Variants in EPHA6 observed in about 807,000 individuals in gnomAD.
The protein encoded by EPHA6 is ephrin type-A receptor 6.
In EPHA6, 50 loss-of-function variants were observed where a neutral mutation model predicts 112.0. The observed-to-expected ratio is 0.45, with a 90% CI of 0.36 to 0.56. EPHA6 has a LOEUF of 0.56. Ranked by LOEUF, EPHA6 falls within the 20% of genes least tolerant of loss-of-function variation. The pLI is 0.00. For missense variants in EPHA6, 1,280 were observed against 1,417.4 expected (o/e 0.90, Z 1.56); for synonymous variants, 529 against 490.7 (o/e 1.08, Z -1.03).
At chr3:97,110,520 T>C (rs970288778) in intron 3 of EPHA6, among the ~76,000 whole-genome samples, 2 of 152,002 alleles carry the variant, frequency 1.3e-5, no homozygotes, top group East Asian at 1.9e-4. Context: ...TTCATTTTAT[T>C]ATATTATTTA....
chr3:97,207,449 G>A (rs1175842984), intron 3 of EPHA6, among the ~76,000 whole-genome samples: 1 of 152,144 alleles, frequency 6.6e-6, no homozygotes, highest in Non-Finnish European at 1.5e-5. Context: ...AGCAGCACAT[G>A]TGATATGCAA....
chr3:97,665,829 G>C (rs556858990), intron 14 of EPHA6, among the ~76,000 whole-genome samples: 1 of 152,156 alleles, frequency 6.6e-6, no homozygotes, highest in East Asian at 1.9e-4. Context: ...AGGCCAAGGC[G>C]GGCAGATCAC....
intron 5 of EPHA6, among the ~76,000 whole-genome samples, chr3:97,393,829 G>A (rs1482609430): frequency 6.6e-6 from 1 of 151,658 alleles, no homozygotes; most frequent in Non-Finnish European, 1.5e-5. Context: ...AGATCTTGTG[G>A]CATTTGTCCT....
At chr3:96,917,026 C>T (rs1271460499) in intron 2 of EPHA6, among the ~76,000 whole-genome samples, 2 of 152,102 alleles carry the variant, frequency 1.3e-5, no homozygotes, top group Non-Finnish European at 2.9e-5. Flanking sequence ...AATTTGCTTT[C>T]CTACAGATCT....
chr3:97,107,676 T>C (rs1477465438), intron 3 of EPHA6, among the ~76,000 whole-genome samples: 1 of 152,170 alleles, frequency 6.6e-6, no homozygotes, highest in African/African-American at 2.4e-5. Flanking sequence ...AATGTACATC[T>C]CCAATCTTTT....
At position 97,749,432 on chromosome 3, in the gene EPHA6, TTTTA is replaced by T. The variant is rs747450993; in HGVS notation, c.*751_*754del. Among the ~76,000 whole-genome samples, 2 of 152,222 alleles carry T rather than the reference TTTTA, an allele frequency of 1.3e-5. No individual in the cohort carries two copies. The highest frequency in any genetic ancestry group is 1.9e-4 in the East Asian group (1 of 5,184). ...TAGTTTAAAGGCTTTTCACCTCTAA[TTTTA>T]TTTATTTATTTATTTATTTTTACTA... On this transcript the variant is annotated 3_prime_UTR_variant, in exon 18 of 18. Coordinates refer to ENST00000389672, the MANE Select transcript of EPHA6 (RefSeq NM_001080448.3).
At chr3:97,025,663 A>C (rs991410956) in intron 3 of EPHA6, among the ~76,000 whole-genome samples, 1 of 152,166 alleles carries the variant, frequency 6.6e-6, no homozygotes, top group Admixed American at 6.5e-5. Flanking sequence ...ATCTCCGCTC[A>C]CTGCAACCTC....
chr3:97,597,885 G>A (rs113767285), intron 12 of EPHA6, among the ~76,000 whole-genome samples: 1 of 152,238 alleles, frequency 6.6e-6, no homozygotes, highest in South Asian at 2.1e-4. Flanking sequence ...ATATTATCAA[G>A]TTTTGATGCA....
At chr3:96,898,969 A>G (rs1472728300) in intron 2 of EPHA6, among the ~76,000 whole-genome samples, 12 of 150,600 alleles carry the variant, frequency 8.0e-5, no homozygotes, top group South Asian at 2.1e-4. Flanking sequence ...CGGAGCTTGC[A>G]GTGAGTTGAG....
chr3:97,160,309 C>T (rs2076382849), intron 3 of EPHA6, among the ~76,000 whole-genome samples: 1 of 152,092 alleles, frequency 6.6e-6, no homozygotes, highest in African/African-American at 2.4e-5. Flanking sequence ...GATGGAATCT[C>T]GCTCTGTCAC....
chr3:97,214,481 C>CAAAAAA (rs1166034294), intron 3 of EPHA6, among the ~76,000 whole-genome samples: 2 of 63,020 alleles, frequency 3.2e-5, no homozygotes, highest in Non-Finnish European at 7.6e-5. Context: ...AACTTTGTCT[C>CAAAAAA]AAAAAAAAAA....
intron 12 of EPHA6, among the ~76,000 whole-genome samples, chr3:97,605,074 T>G (rs2093670721): frequency 6.6e-6 from 1 of 151,592 alleles, no homozygotes; most frequent in African/African-American, 2.4e-5. Context: ...CCGTAAGTGT[T>G]CTAAAATTGA....
At chr3:97,517,783 C>T (rs1306068828) in intron 10 of EPHA6, among the ~76,000 whole-genome samples, 1 of 152,050 alleles carries the variant, frequency 6.6e-6, no homozygotes, top group African/African-American at 2.4e-5. Flanking sequence ...CTGGTAACCA[C>T]CATTCTCCTC....
At position 97,405,134 on chromosome 3, in the gene EPHA6, T is replaced by C. The variant is rs1317389684; in HGVS notation, c.1607-16T>C. On this transcript the variant is annotated splice_polypyrimidine_tract_variant and intron_variant, in intron 5 of 17. Coordinates refer to ENST00000389672, the MANE Select transcript of EPHA6 (RefSeq NM_001080448.3). ...ATTCCTGCCAATTAATTCTTAGTTA[T>C]TTTCTTTCCTTTCAGCACCTTCCCT... is the stretch of plus-strand genomic sequence containing the variant. 6.4e-7 allele frequency: 1 copy of C among 1,573,188 alleles called. No homozygotes were observed. The highest frequency in any genetic ancestry group is 1.9e-5 in the Admixed American group (1 of 53,492).
intron 3 of EPHA6, among the ~76,000 whole-genome samples, chr3:97,099,122 T>C (rs1170706364): frequency 6.6e-6 from 1 of 151,962 alleles, no homozygotes; most frequent in East Asian, 1.9e-4. Flanking sequence ...TGTGAAGTAA[T>C]TATTCCAGTG....
chr3:97,747,684 T>G lies in EPHA6; in HGVS notation c.3278+112T>G, dbSNP rs545770422. 3.2e-6 allele frequency: 3 copies of G among 931,050 alleles called. No individual in the cohort carries two copies. In the East Asian group the frequency reaches 9.6e-5, roughly 30 times the overall value. 57.7% of individuals were successfully genotyped at this position (931,050 alleles called of 1,614,324 possible). On this transcript the variant is annotated intron_variant, in intron 17 of 17. Coordinates refer to ENST00000389672, the MANE Select transcript of EPHA6 (RefSeq NM_001080448.3). ...GGCTAGTGGGTAATTTCCAAGTCTT[T>G]GCTCACCATTTCTGACTATCATTCT...
intron 3 of EPHA6, among the ~76,000 whole-genome samples, chr3:97,064,861 C>T (rs542120032): frequency 1.3e-5 from 2 of 152,208 alleles, no homozygotes; most frequent in South Asian, 2.1e-4. Context: ...TTTGCTTCAT[C>T]GTGACTGCTG....
rs1435617239 is a variant in EPHA6, at chr3:97,758,903, G to A, written c.*10202G>A. On this transcript the variant is annotated 3_prime_UTR_variant, in exon 18 of 18. Coordinates refer to ENST00000389672, the MANE Select transcript of EPHA6 (RefSeq NM_001080448.3). ...GTACACTGAAATGAGGCAAAAAGAG[G>A]AGAAGGTATACGCATGAGGCTACTG... Among the ~76,000 whole-genome samples the A allele has an allele frequency of 1.3e-5, 2 of 151,946 alleles. No homozygotes were observed. Among genetic ancestry groups the A allele is most frequent in the African/African-American group, 4.8e-5 (2 of 41,414 alleles).
chr3:97,232,437 T>C (rs1236783376), intron 4 of EPHA6, among the ~76,000 whole-genome samples: 1 of 152,164 alleles, frequency 6.6e-6, no homozygotes, highest in East Asian at 1.9e-4. Flanking sequence ...GCTTCCATCA[T>C]TTGTATTCCT....
Sources: allele counts gnomAD v4.1 joint callset (sites outside exome capture counted in the v4.1 genomes callset), GRCh38; gene constraint gnomAD v4.1.1; transcripts MANE v1.5; gene names NCBI Gene and HGNC (gene_info 2026-07-23, HGNC 2026-07-21).